Variants in MINK1 observed in about 807,000 individuals in gnomAD.
MINK1 encodes misshapen-like kinase 1.
In MINK1, 46 loss-of-function variants were observed where a neutral mutation model predicts 178.4. The observed-to-expected ratio is 0.26, with a 90% CI of 0.20 to 0.33. The LOEUF (loss-of-function observed/expected upper bound fraction) is 0.33. Among genes scored for constraint, MINK1 ranks in the 10% least tolerant of loss-of-function variants. The pLI is 1.00. For missense variants in MINK1, 1,366 were observed against 1,814.9 expected (o/e 0.75, Z 4.49); for synonymous variants, 797 against 709.7 (o/e 1.12, Z -1.96).
At chr17:4,834,798 C>T (rs200536116) in intron 1 of MINK1, 2 of 519,896 alleles carry the variant, frequency 3.8e-6, no homozygotes, top group Non-Finnish European at 7.7e-6. Flanking sequence ...TCTGGAGGCC[C>T]CTGCTCAGAC....
intron 1 of MINK1, among the ~76,000 whole-genome samples, chr17:4,862,902 G>A (rs550869769): frequency 8.5e-5 from 13 of 152,064 alleles, no homozygotes; most frequent in African/African-American, 2.7e-4. Flanking sequence ...GGGCATGATG[G>A]TGCATGCCCG....
At chr17:4,884,848 C>T in intron 5 of MINK1, 64 bp from the exon 6 acceptor site, 1 of 1,425,826 alleles carries the variant, frequency 7.0e-7, no homozygotes, top group Non-Finnish European at 9.8e-7. Context: ...TCAACTCACT[C>T]CCCACTTACT....
At chr17:4,890,314 G>C (rs941220324) in intron 13 of MINK1, 1 of 1,381,710 alleles carries the variant, frequency 7.2e-7, no homozygotes. Context: ...TGCTGGTAAC[G>C]GGTCCCTCAG....
chr17:4,884,331 C>G, intron 4 of MINK1, 32 bp from the exon 5 acceptor site: 1 of 1,583,134 alleles, frequency 6.3e-7, no homozygotes, highest in South Asian at 1.1e-5. Flanking sequence ...CTGACTGATA[C>G]TTTTCCTTTC....
chr17:4,896,173 T>A lies in MINK1; in HGVS notation c.3466-20T>A. The A allele has an allele frequency of 6.2e-7, 1 of 1,600,028 alleles. No individual in the cohort carries two copies. Among genetic ancestry groups the A allele is most frequent in the Non-Finnish European group, 8.5e-7 (1 of 1,172,440 alleles). ...CTCTCCCCGTGCCCCTGAGCCCTCC[T>A]CTCCTCCGGTTCTCTGCAGTCCTTT... On this transcript the variant is annotated intron_variant, in intron 28 of 31. Transcript: ENST00000355280. This position sits in a 1 kb window ranked among gnomAD's most constrained non-coding sequence, Gnocchi z 4.6.
At chr17:4,867,093 A>AATAATAATAATAATAATAAT (rs1234977057) in intron 1 of MINK1, among the ~76,000 whole-genome samples, 2 of 144,192 alleles carry the variant, frequency 1.4e-5, no homozygotes, top group Non-Finnish European at 3.0e-5. Context: ...TAATAATAAT[A>AATAATAATAATAATAATAAT]ATAATAATAA....
chr17:4,861,701 A>C, intron 1 of MINK1: 1 of 292,696 alleles, frequency 3.4e-6, no homozygotes, highest in East Asian at 1.5e-4. Context: ...GAGTTTCACC[A>C]TGTTGGCCAG....
chr17:4,880,396 G>T (rs1422447262), intron 2 of MINK1, among the ~76,000 whole-genome samples: 1 of 148,956 alleles, frequency 6.7e-6, no homozygotes, highest in Admixed American at 6.7e-5. Flanking sequence ...GGCAATTCTC[G>T]TGCCTCAGCC....
intron 31 of MINK1, 60 bp from the exon 32 acceptor site, chr17:4,897,144 C>A: frequency 7.0e-7 from 1 of 1,422,136 alleles, no homozygotes; most frequent in Non-Finnish European, 9.8e-7. Flanking sequence ...CTTTCCCTCT[C>A]CCAGTTGAGA....
intron 1 of MINK1, among the ~76,000 whole-genome samples, chr17:4,861,920 T>C (rs962675083): frequency 3.3e-5 from 5 of 152,242 alleles, no homozygotes; most frequent in Admixed American, 3.3e-4. Flanking sequence ...ACATGCTCAC[T>C]ATGCGACAAT....
At position 4,891,509 on chromosome 17, in the gene MINK1, A is replaced by C. The variant is rs1968813418; in HGVS notation, c.1794A>C (p.Arg598=). 1.2e-6 allele frequency: 2 copies of C among 1,611,740 alleles called. No homozygotes were observed. The highest frequency in any genetic ancestry group is 4.5e-5 in the East Asian group (2 of 44,812). ...AGCCATATGCAGCACCTGTACCCCG[A>C]TCCCAGTCCCTGCAGGACCAGCCCA... is the stretch of plus-strand genomic sequence containing the variant. ...PLKPYAAPVP[R]SQSLQDQPTR... The change falls in exon 16 of 32, where the codon CGA becomes CGC. Residue 598 remains arginine (R), a synonymous_variant. Coordinates refer to ENST00000355280, the MANE Select transcript of MINK1 (RefSeq NM_153827.5).
Position 4,896,625 on chromosome 17 carries a change from AGGTGGCCCCGG to A in MINK1, c.3775+42_3776-34del, listed in dbSNP as rs1294511451. Reference sequence around the variant, plus strand: ...GCCGCCCTCCCAGCCACATGCCCCGAGGTGGCCCCGGGGTGCAGCCTGCTCAGCCCCTCACC... The same window carrying A: ...GCCGCCCTCCCAGCCACATGCCCCGAGGTGCAGCCTGCTCAGCCCCTCACC... On this transcript the variant is annotated intron_variant, in intron 30 of 31. Transcript: ENST00000355280. This position sits in a 1 kb window ranked among gnomAD's most constrained non-coding sequence, Gnocchi z 4.6. 8.1e-6 allele frequency: 13 copies of A among 1,611,830 alleles called. No individual in the cohort carries two copies. Among genetic ancestry groups the A allele is most frequent in the East Asian group, 2.2e-5 (1 of 44,884 alleles).
At chr17:4,855,588 G>A (rs559675995) in intron 1 of MINK1, among the ~76,000 whole-genome samples, 1 of 150,740 alleles carries the variant, frequency 6.6e-6, no homozygotes, top group South Asian at 2.1e-4. Flanking sequence ...TGAGACAGCA[G>A]TGAAACCCCA....
In MINK1 at chr17:4,885,476, T is replaced by C. The variant is rs781566676; in HGVS notation, c.509-7T>C. On this transcript the variant is annotated splice_polypyrimidine_tract_variant and splice_region_variant and intron_variant, in intron 6 of 31. Coordinates refer to ENST00000355280, the MANE Select transcript of MINK1 (RefSeq NM_153827.5). The surrounding 1 kb of genome is among the most constrained non-coding windows in gnomAD (Gnocchi z 5.0). ...CCACACTGACCCCTCCCTCTGTGTC[T>C]TCACAGTGGATTTTGGGGTGAGTGC... The C allele has an allele frequency of 3.1e-6, 5 of 1,613,648 alleles. No homozygotes were observed. The Admixed American group carries it at 8.3e-5, about 27-fold the overall frequency.
At chr17:4,878,535 A>C (rs986457497) in intron 2 of MINK1, among the ~76,000 whole-genome samples, 153 bp downstream of exon 2, 1 of 152,110 alleles carries the variant, frequency 6.6e-6, no homozygotes, top group Admixed American at 6.5e-5. Context: ...GGGAGAGGAA[A>C]GAGCACCCAG....
chr17:4,890,013 C>G, intron 13 of MINK1: 1 of 567,776 alleles, frequency 1.8e-6, no homozygotes, highest in Non-Finnish European at 3.1e-6. Context: ...CATCCCCCCT[C>G]ATTCCCTGTG....
intron 1 of MINK1, among the ~76,000 whole-genome samples, chr17:4,855,403 G>A (rs558339197): frequency 9.7e-4 from 144 of 148,162 alleles, no homozygotes; most frequent in Non-Finnish European, 8.6e-4. Flanking sequence ...GGAGAATGGC[G>A]TGAACCTCGG....
Position 4,897,438 on chromosome 17 carries a change from G to T in MINK1, c.*151G>T. 1.5e-6 allele frequency: 1 copy of T among 648,006 alleles called. No individual in the cohort carries two copies. Among genetic ancestry groups the T allele is most frequent in the Non-Finnish European group, 2.7e-6 (1 of 375,368 alleles). The allele number at this position is 648,006 out of a possible 1,614,324, so 40.1% of individuals were successfully genotyped here. A position where few individuals can be genotyped will look rare whatever the true frequency, so the allele number is the denominator to read the frequency against. On this transcript the variant is annotated 3_prime_UTR_variant, in exon 32 of 32. Coordinates refer to ENST00000355280, the MANE Select transcript of MINK1 (RefSeq NM_153827.5). ...GCTGGGAACGTGACCTCTGACCCCT[G>T]ATGCTTTCGTGATCACGTGACCATC... is the stretch of plus-strand genomic sequence containing the variant.
chr17:4,860,823 C>T (rs1487280248), intron 1 of MINK1: 2 of 518,874 alleles, frequency 3.9e-6, no homozygotes, highest in East Asian at 5.5e-5. Context: ...AGCACCAGTG[C>T]GCGCCACGTG....
Sources: allele counts gnomAD v4.1 joint callset (sites outside exome capture counted in the v4.1 genomes callset), GRCh38; gene constraint gnomAD v4.1.1; non-coding constraint Gnocchi (gnomAD v3.1); transcripts MANE v1.5; gene names NCBI Gene and HGNC (gene_info 2026-07-23, HGNC 2026-07-21).